Variants in ARHGAP35 observed in about 807,000 individuals in gnomAD.
The protein encoded by ARHGAP35 is rho GTPase-activating protein 35.
Under a neutral mutation model 111.1 loss-of-function variants are expected in ARHGAP35, and 15 were observed. The observed-to-expected ratio is 0.13, with a 90% confidence interval of 0.09 to 0.21. ARHGAP35 has a LOEUF of 0.21. Among genes scored for constraint, ARHGAP35 ranks in the 10% least tolerant of loss-of-function variants. ARHGAP35 has a pLI of 1.00. For synonymous variants in ARHGAP35, 643 were observed against 710.3 expected (o/e 0.91, Z 1.51); for missense variants, 1,262 against 1,873.0 (o/e 0.67, Z 6.02).
At chr19:46,873,202 A>G (rs1360228514) in intron 1 of ARHGAP35, among the ~76,000 whole-genome samples, 3 of 152,224 alleles carry the variant, frequency 2.0e-5, no homozygotes, top group African/African-American at 7.2e-5. Flanking sequence ...CACTTTCCAG[A>G]ATGCTTTCGC....
At chr19:46,927,410 G>A (rs1368508238) in intron 2 of ARHGAP35, among the ~76,000 whole-genome samples, 1 of 152,150 alleles carries the variant, frequency 6.6e-6, no homozygotes, top group Non-Finnish European at 1.5e-5. Context: ...CCTAAACTGC[G>A]GTATCAGGAA....
Position 46,932,488 on chromosome 19 carries a change from G to T in ARHGAP35, c.3682-4776G>T, listed in dbSNP as rs76683966. ...AATAACTCCCTGAAGAGTGACACAC[G>T]TCTGACTGGGGGCATGAGATATCTG... On this transcript the variant is annotated intron_variant, in intron 2 of 6. Transcript: ENST00000672722. Among the ~76,000 whole-genome samples, 947 of 152,198 alleles carry T rather than the reference G, an allele frequency of 6.2e-3. 7 individuals are homozygous for T. The highest frequency in any genetic ancestry group is 0.021 in the African/African-American group (881 of 41,516).
At chr19:46,965,469 TG>T (rs1555764114) in intron 3 of ARHGAP35, among the ~76,000 whole-genome samples, 1 of 60,590 alleles carries the variant, frequency 1.7e-5, no homozygotes, top group Admixed American at 1.5e-4. Context: ...TTGGGTTTTT[TG>T]TTTGTTTGTT....
At chr19:46,960,203 C>G (rs914399410) in intron 3 of ARHGAP35, among the ~76,000 whole-genome samples, 9 of 151,944 alleles carry the variant, frequency 5.9e-5, no homozygotes, top group Non-Finnish European at 1.3e-4. Context: ...CTCCATTAGC[C>G]CTGGCTGTTT....
chr19:46,959,072 TA>T (rs200183928), intron 3 of ARHGAP35, among the ~76,000 whole-genome samples: 2 of 151,890 alleles, frequency 1.3e-5, no homozygotes, highest in African/African-American at 2.4e-5. Context: ...TCTCCTTTTT[TA>T]AAAAAAAATT....
At position 46,983,054 on chromosome 19, in the gene ARHGAP35, C is replaced by CAAAAAAAAAAAAA. The variant is rs71179281; in HGVS notation, c.3827-4917_3827-4905dup. Among the ~76,000 whole-genome samples, 11 of 47,648 alleles carry CAAAAAAAAAAAAA rather than the reference C, an allele frequency of 2.3e-4. 1 individual carries two copies. The highest frequency in any genetic ancestry group is 3.1e-4 in the Non-Finnish European group (9 of 29,358). The allele number at this position is 47,648 out of a possible 152,430, so 31.3% of individuals were successfully genotyped here. A position where few individuals can be genotyped will look rare whatever the true frequency, so the allele number is the denominator to read the frequency against. ...GAGTGACAAAGCAAGACCTTGTGTA[C>CAAAAAAAAAAAAA]AAAAAAAAAAAAAAAAAAAAAAAAA... On this transcript the variant is annotated intron_variant, in intron 3 of 6. Coordinates refer to ENST00000672722, the MANE Select transcript of ARHGAP35 (RefSeq NM_004491.5).
At chr19:46,884,979 A>G (rs561697854) in intron 1 of ARHGAP35, among the ~76,000 whole-genome samples, 5 of 151,990 alleles carry the variant, frequency 3.3e-5, no homozygotes, top group African/African-American at 9.7e-5. Context: ...TGACCTCCCA[A>G]CGTGTTGGGA....
rs2056699584 is a variant in ARHGAP35 at position 46,994,982 on chromosome 19, T to G, written c.4037-4322T>G. Among the ~76,000 whole-genome samples, 1 of 152,084 alleles carries G rather than the reference T, an allele frequency of 6.6e-6. No individual in the cohort carries two copies. The highest frequency in any genetic ancestry group is 6.5e-5 in the Admixed American group (1 of 15,278). ...ATGCTCACCTGCCTCTGGGTCAGAG[T>G]CACCTCCTCCCTCGCTGAGGACTGT... On this transcript the variant is annotated intron_variant, in intron 5 of 6. Transcript: ENST00000672722. This position sits in a 1 kb window ranked among gnomAD's most constrained non-coding sequence, Gnocchi z 5.4.
chr19:46,878,132 T>G (rs1258667931), intron 1 of ARHGAP35, among the ~76,000 whole-genome samples: 1 of 151,992 alleles, frequency 6.6e-6, no homozygotes, highest in African/African-American at 2.4e-5. Context: ...TAAGCGAGTC[T>G]CTCTCAGCAT....
chr19:46,943,356 G>A (rs1048454800), intron 3 of ARHGAP35, among the ~76,000 whole-genome samples: 6 of 152,200 alleles, frequency 3.9e-5, no homozygotes, highest in Non-Finnish European at 7.3e-5. Flanking sequence ...GGTGGTGGAC[G>A]CGGGACTGCT....
At chr19:46,877,511 C>T (rs2055931737) in intron 1 of ARHGAP35, among the ~76,000 whole-genome samples, 1 of 151,846 alleles carries the variant, frequency 6.6e-6, no homozygotes. Context: ...TTGCAGTGAG[C>T]CATGATCACA....
At chr19:46,880,073 A>C (rs1415343584) in intron 1 of ARHGAP35, among the ~76,000 whole-genome samples, 2 of 151,626 alleles carry the variant, frequency 1.3e-5, no homozygotes, top group African/African-American at 4.8e-5. Flanking sequence ...GTGATGAGGC[A>C]AGACAATGTC....
intron 2 of ARHGAP35, among the ~76,000 whole-genome samples, chr19:46,923,174 C>T (rs983910118): frequency 1.3e-5 from 2 of 150,980 alleles, no homozygotes; most frequent in African/African-American, 2.4e-5. Flanking sequence ...GCGCGATCTC[C>T]GCTCACTGCA....
intron 5 of ARHGAP35, among the ~76,000 whole-genome samples, chr19:46,995,756 A>G (rs1202384791): frequency 6.6e-6 from 1 of 152,236 alleles, no homozygotes; most frequent in East Asian, 1.9e-4. Context: ...TGCCTTTGCC[A>G]TGTGAAGAGG....
chr19:46,923,443 T>C (rs576499998), intron 2 of ARHGAP35, among the ~76,000 whole-genome samples: 1 of 152,182 alleles, frequency 6.6e-6, no homozygotes, highest in South Asian at 2.1e-4. Context: ...CTGCGTAGAA[T>C]TGTAGTTTGT....
At chr19:46,932,771 T>C (rs755791995) in intron 2 of ARHGAP35, among the ~76,000 whole-genome samples, 6 of 152,146 alleles carry the variant, frequency 3.9e-5, no homozygotes, top group Non-Finnish European at 7.4e-5. Flanking sequence ...GGGAGTGAGA[T>C]TGAATCCACG....
chr19:46,932,396 G>A (rs768024516), intron 2 of ARHGAP35, among the ~76,000 whole-genome samples: 5 of 152,322 alleles, frequency 3.3e-5, no homozygotes, highest in Admixed American at 6.5e-5. Context: ...AAGTGCCTCC[G>A]GAAGAAGATG....
chr19:46,934,736 C>A (rs2056295177), intron 2 of ARHGAP35, among the ~76,000 whole-genome samples: 1 of 152,140 alleles, frequency 6.6e-6, no homozygotes, highest in African/African-American at 2.4e-5. Flanking sequence ...GTGGCACGAT[C>A]TCAGCTCACT....
chr19:46,936,913 C>T (rs2056311914), intron 2 of ARHGAP35, among the ~76,000 whole-genome samples: 1 of 149,330 alleles, frequency 6.7e-6, no homozygotes, highest in Non-Finnish European at 1.5e-5. Context: ...AATCTCGGCT[C>T]ACCTCAATCT....
Sources: allele counts gnomAD v4.1 joint callset (sites outside exome capture counted in the v4.1 genomes callset), GRCh38; gene constraint gnomAD v4.1.1; non-coding constraint Gnocchi (gnomAD v3.1); transcripts MANE v1.5; gene names NCBI Gene and HGNC (gene_info 2026-07-23, HGNC 2026-07-21).